SPATA12: variants seen among roughly 807,000 people sequenced by gnomAD.
SPATA12 encodes spermatogenesis-associated protein 12.
For missense variants in SPATA12, 219 were observed against 226.4 expected (o/e 0.97, Z 0.21); for synonymous variants, 85 against 89.2 (o/e 0.95, Z 0.26).
At chr3:57,061,509 C>T (rs1322769325) in intron 1 of SPATA12, among the ~76,000 whole-genome samples, 3 of 152,168 alleles carry the variant, frequency 2.0e-5, no homozygotes, top group Non-Finnish European at 2.9e-5. Flanking sequence ...ATTGTATGTA[C>T]ATACCACATT....
intron 1 of SPATA12, 29 bp from the exon 2 acceptor site, chr3:57,073,337 T>C (rs1706038185): frequency 4.8e-6 from 1 of 208,310 alleles, no homozygotes. Context: ...AATAAGAATA[T>C]AATCAGGATT....
intron 1 of SPATA12, among the ~76,000 whole-genome samples, chr3:57,072,898 T>C (rs773746082): frequency 1.3e-5 from 2 of 151,440 alleles, no homozygotes; most frequent in South Asian, 4.2e-4. Context: ...ATACAAAAAT[T>C]AGCAAGGCGC....
chr3:57,074,588 A>G lies in SPATA12; in HGVS notation c.*321A>G. The G allele has an allele frequency of 3.4e-6, 1 of 293,540 alleles. No individual in the cohort carries two copies. The highest frequency in any genetic ancestry group is 7.0e-5 in the East Asian group (1 of 14,326). 18.2% of individuals were successfully genotyped at this position (293,540 alleles called of 1,614,324 possible). The stretch of plus-strand genomic sequence containing the variant: ...CAATCAATCGATCAATCAATGAAAG[A>G]GTGGGAGGCATGCATCTCCTGATCC... On this transcript the variant is annotated 3_prime_UTR_variant, in exon 2 of 2. Transcript: ENST00000334325.
chr3:57,065,778 T>C (rs6808743), intron 1 of SPATA12, among the ~76,000 whole-genome samples: 15,454 of 152,076 alleles, frequency 0.1, 1,016 homozygotes, highest in East Asian at 0.36. Flanking sequence ...AGAGGCAAGG[T>C]CATCCTCATT....
Position 57,073,483 on chromosome 3 carries a change from A to G in SPATA12, c.-212A>G. ...GGAAACAGCAGAAGCAAAGATGTGA[A>G]CATGGGAAAACCTCTGCAGTATCTG... On this transcript the variant is annotated 5_prime_UTR_variant, in exon 2 of 2. Coordinates refer to ENST00000334325, the MANE Select transcript of SPATA12 (RefSeq NM_181727.2). 1.5e-6 allele frequency: 1 copy of G among 673,088 alleles called. No individual in the cohort carries two copies. Among genetic ancestry groups the G allele is most frequent in the Non-Finnish European group, 2.3e-6 (1 of 434,912 alleles). The allele number at this position is 673,088 out of a possible 1,614,324, so 41.7% of individuals were successfully genotyped here.
chr3:57,062,171 C>CAAAT (rs1705257259), intron 1 of SPATA12, among the ~76,000 whole-genome samples: 1 of 2,990 alleles, frequency 3.3e-4, no homozygotes, highest in Admixed American at 3.8e-3. Context: ...TGGAGCAGCT[C>CAAAT]AGTCATGTGA....
At chr3:57,063,559 G>A (rs533659215) in intron 1 of SPATA12, among the ~76,000 whole-genome samples, 1 of 152,298 alleles carries the variant, frequency 6.6e-6, no homozygotes, top group East Asian at 1.9e-4. Context: ...AAAAGTCAAA[G>A]ATGACGCCCC....
chr3:57,063,002 A>G (rs1354056918), intron 1 of SPATA12, among the ~76,000 whole-genome samples: 1 of 152,190 alleles, frequency 6.6e-6, no homozygotes, highest in East Asian at 1.9e-4. Flanking sequence ...TTGGATAACG[A>G]TAGTGTAAGG....
chr3:57,065,979 G>A (rs1448670825), intron 1 of SPATA12, among the ~76,000 whole-genome samples: 1 of 152,036 alleles, frequency 6.6e-6, no homozygotes, highest in Non-Finnish European at 1.5e-5. Flanking sequence ...TACTCAGGAG[G>A]CTGAGGCAGG....
rs190618611 is a variant in SPATA12, at chr3:57,073,468, G to A, written c.-227G>A. Reference sequence around the variant, plus strand: ...GAGCTTCCAAGTAGTGGAAACAGCAGAAGCAAAGATGTGAACATGGGAAAA... The same window carrying A: ...GAGCTTCCAAGTAGTGGAAACAGCAAAAGCAAAGATGTGAACATGGGAAAA... On this transcript the variant is annotated 5_prime_UTR_variant, in exon 2 of 2. Transcript: ENST00000334325. 292 of 586,790 alleles carry A rather than the reference G, an allele frequency of 5.0e-4. 2 individuals carry two copies. The South Asian group carries it at 0.01, about 20-fold the overall frequency. 36.3% of individuals were successfully genotyped at this position (586,790 alleles called of 1,614,324 possible).
intron 1 of SPATA12, among the ~76,000 whole-genome samples, chr3:57,067,766 G>T (rs1282247519): frequency 6.6e-6 from 1 of 151,164 alleles, no homozygotes; most frequent in South Asian, 2.1e-4. Context: ...CGGATCATGA[G>T]GTCAGGAGAT....
intron 1 of SPATA12, among the ~76,000 whole-genome samples, chr3:57,070,320 T>A (rs1705814668): frequency 6.6e-6 from 1 of 152,136 alleles, no homozygotes; most frequent in African/African-American, 2.4e-5. Context: ...ATTCAGGAGT[T>A]AAATGTCTTA....
chr3:57,074,301 C>T lies in SPATA12; in HGVS notation c.*34C>T. 6.3e-7 allele frequency: 1 copy of T among 1,577,772 alleles called. No individual in the cohort carries two copies. The highest frequency in any genetic ancestry group is 1.2e-5 in the South Asian group (1 of 86,616). On this transcript the variant is annotated 3_prime_UTR_variant, in exon 2 of 2. Transcript: ENST00000334325. ...AATCCTGCAACATCTGAGAGTCTGG[C>T]AGCTGTTTGTCTGGGCCTTTGCACA...
chr3:57,074,235 T>C lies in SPATA12; in HGVS notation c.541T>C (p.Tyr181His), dbSNP rs753969983. Residue 181 changes from tyrosine (Y) to histidine (H), a missense_variant, in exon 2 of 2, where the codon TAC becomes CAC. Tyr to His is a moderately conservative substitution (Grantham distance 83). Transcript: ENST00000334325. ...CTTTGTCAGGTCCCTCTCTACAGTA[T>C]ACTCCAACACACACATACACACACA... ...GCFVRSLSTV[Y>H]SNTHIHTHL is the part of the protein sequence containing the mutation. The C allele has an allele frequency of 2.6e-5, 42 of 1,613,850 alleles. No homozygotes were observed. In the South Asian group the frequency reaches 4.6e-4, roughly 18 times the overall value.
chr3:57,069,488 C>T (rs1705763280), intron 1 of SPATA12, among the ~76,000 whole-genome samples: 1 of 151,980 alleles, frequency 6.6e-6, no homozygotes, highest in South Asian at 2.1e-4. Context: ...AATGTAGTTT[C>T]CCAGGTTGTT....
At chr3:57,068,754 G>A (rs955322687) in intron 1 of SPATA12, among the ~76,000 whole-genome samples, 4 of 152,052 alleles carry the variant, frequency 2.6e-5, no homozygotes, top group African/African-American at 9.7e-5. Flanking sequence ...ACTGTGTAAC[G>A]TGCTTCCTTG....
intron 1 of SPATA12, among the ~76,000 whole-genome samples, chr3:57,067,814 C>T (rs1560175152): frequency 3.1e-5 from 4 of 127,134 alleles, no homozygotes. Context: ...CCCGTCTCTA[C>T]TAAAAAAAAA....
At chr3:57,070,980 AAAAAAAAG>A (rs1349033977) in intron 1 of SPATA12, among the ~76,000 whole-genome samples, 8 of 149,636 alleles carry the variant, frequency 5.3e-5, no homozygotes, top group East Asian at 2.1e-4. Context: ...ACAAAAAAAA[AAAAAAAAG>A]AAAGAAAGAA....
At chr3:57,063,767 A>T (rs1447112098) in intron 1 of SPATA12, among the ~76,000 whole-genome samples, 1 of 152,156 alleles carries the variant, frequency 6.6e-6, no homozygotes, top group Non-Finnish European at 1.5e-5. Flanking sequence ...GCAACCAGGC[A>T]CTCACTGTAG....
Sources: allele counts gnomAD v4.1 joint callset (sites outside exome capture counted in the v4.1 genomes callset), GRCh38; gene constraint gnomAD v4.1.1; transcripts MANE v1.5; gene names NCBI Gene and HGNC (gene_info 2026-07-23, HGNC 2026-07-21).